Variants in MAGI2 observed in about 807,000 individuals in gnomAD.
The protein encoded by MAGI2 is membrane associated guanylate kinase, WW and PDZ domain containing 2, also known as membrane-associated guanylate kinase, WW and PDZ domain-containing protein 2.
In MAGI2, 35 loss-of-function variants were observed where a neutral mutation model predicts 133.3. That is an observed-to-expected ratio of 0.26 (90% CI 0.20 to 0.35). MAGI2 has a LOEUF of 0.35. Ranked by LOEUF, MAGI2 falls within the 10% of genes least tolerant of loss-of-function variation. The pLI, the probability that MAGI2 is intolerant of heterozygous loss-of-function variation, is 1.00. For missense variants in MAGI2, 1,636 were observed against 1,863.4 expected (o/e 0.88, Z 2.25); for synonymous variants, 729 against 710.6 (o/e 1.03, Z -0.41).
At chr7:78,890,445 C>T (rs1796646982) in intron 2 of MAGI2, among the ~76,000 whole-genome samples, 2 of 152,202 alleles carry the variant, frequency 1.3e-5, no homozygotes, top group Non-Finnish European at 2.9e-5. Flanking sequence ...AACCACACCA[C>T]ACCTATTCCA....
intron 1 of MAGI2, among the ~76,000 whole-genome samples, chr7:79,358,273 G>A (rs1411955460): frequency 2.0e-5 from 3 of 152,006 alleles, no homozygotes; most frequent in African/African-American, 4.8e-5. Flanking sequence ...ATATTTTAAT[G>A]TTGTGTAAAT....
At chr7:79,417,645 T>C (rs1846627215) in intron 1 of MAGI2, among the ~76,000 whole-genome samples, 1 of 152,124 alleles carries the variant, frequency 6.6e-6, no homozygotes, top group African/African-American at 2.4e-5. Context: ...AATTATAACA[T>C]GCAGAGATTT....
At chr7:78,809,306 G>A (rs138316303) in intron 2 of MAGI2, among the ~76,000 whole-genome samples, 4 of 152,340 alleles carry the variant, frequency 2.6e-5, no homozygotes, top group Non-Finnish European at 5.9e-5. Flanking sequence ...GATTAACACA[G>A]AGAATACAAT....
At chr7:79,125,734 G>C (rs578152220) in intron 1 of MAGI2, 1 of 521,910 alleles carries the variant, frequency 1.9e-6, no homozygotes, top group Admixed American at 2.0e-5. Context: ...GATGGCCAAG[G>C]CCAATACTTT....
chr7:79,231,730 C>T (rs373071286), intron 1 of MAGI2, among the ~76,000 whole-genome samples: 4 of 135,690 alleles, frequency 2.9e-5, no homozygotes, highest in East Asian at 2.1e-4. Flanking sequence ...ACAATCATGT[C>T]GTCGGCAAAC....
chr7:78,607,929 A>T (rs777524203), intron 3 of MAGI2, among the ~76,000 whole-genome samples: 7 of 152,232 alleles, frequency 4.6e-5, no homozygotes, highest in Middle Eastern at 3.4e-3. Flanking sequence ...AAGCTTTTAG[A>T]CAGGAACCTC....
At chr7:78,699,076 C>T (rs11770565) in intron 2 of MAGI2, among the ~76,000 whole-genome samples, 8,229 of 152,194 alleles carry the variant, frequency 0.054, 290 homozygotes, top group Non-Finnish European at 0.077. Flanking sequence ...AGAGTGACAC[C>T]TTTGCTTTCT....
At chr7:78,900,590 C>A (rs922139684) in intron 2 of MAGI2, among the ~76,000 whole-genome samples, 1 of 152,166 alleles carries the variant, frequency 6.6e-6, no homozygotes, top group Non-Finnish European at 1.5e-5. Context: ...CAGATATCAT[C>A]TCAGAGATGT....
At chr7:78,328,722 A>G (rs935667699) in intron 9 of MAGI2, among the ~76,000 whole-genome samples, 2 of 152,090 alleles carry the variant, frequency 1.3e-5, no homozygotes, top group African/African-American at 4.8e-5. Flanking sequence ...ACCTGTGGCA[A>G]TCTAAGTAAT....
chr7:79,433,512 C>T (rs1847928589), intron 1 of MAGI2, among the ~76,000 whole-genome samples: 1 of 150,918 alleles, frequency 6.6e-6, no homozygotes, highest in East Asian at 2.0e-4. Flanking sequence ...GAGATAGCGC[C>T]ACTGCACTCC....
At chr7:79,136,091 AAG>A (rs1821511879) in intron 1 of MAGI2, among the ~76,000 whole-genome samples, 1 of 150,188 alleles carries the variant, frequency 6.7e-6, no homozygotes, top group Non-Finnish European at 1.5e-5. Flanking sequence ...GAAAGAAAGA[AAG>A]AAAGAAAGAA....
At chr7:79,421,102 G>A (rs1000320869) in intron 1 of MAGI2, among the ~76,000 whole-genome samples, 1 of 151,926 alleles carries the variant, frequency 6.6e-6, no homozygotes, top group Non-Finnish European at 1.5e-5. Flanking sequence ...GGGTACCGTG[G>A]ACTGTGTTAG....
At chr7:79,407,964 A>G (rs1845920252) in intron 1 of MAGI2, among the ~76,000 whole-genome samples, 1 of 152,130 alleles carries the variant, frequency 6.6e-6, no homozygotes, top group African/African-American at 2.4e-5. Context: ...ACTAAAATGT[A>G]CTTTTGTAAC....
At chr7:78,458,297 A>AAAAAAAG (rs535473320) in intron 6 of MAGI2, among the ~76,000 whole-genome samples, 39,259 of 147,270 alleles carry the variant, frequency 0.27, 5,706 homozygotes, top group Middle Eastern at 0.34. Context: ...TCGGTCTCAA[A>AAAAAAAG]AAAAAAAAAA....
At chr7:78,459,988 C>T (rs1294998999) in intron 6 of MAGI2, among the ~76,000 whole-genome samples, 4 of 152,132 alleles carry the variant, frequency 2.6e-5, no homozygotes, top group Non-Finnish European at 5.9e-5. Context: ...TGGGCTGCAC[C>T]CCAGGGCATT....
intron 1 of MAGI2, among the ~76,000 whole-genome samples, chr7:79,391,052 A>G (rs1443743023): frequency 2.6e-5 from 4 of 152,122 alleles, no homozygotes; most frequent in Admixed American, 6.5e-5. Context: ...AGAAATTATG[A>G]TATATTAATA....
At chr7:78,727,002 C>A (rs1820884439) in intron 2 of MAGI2, among the ~76,000 whole-genome samples, 1 of 151,864 alleles carries the variant, frequency 6.6e-6, no homozygotes. Flanking sequence ...GTCCTTGAGA[C>A]ACCTGATCAG....
chr7:78,055,329 C>T (rs919976650), intron 21 of MAGI2, among the ~76,000 whole-genome samples: 4 of 152,190 alleles, frequency 2.6e-5, no homozygotes, highest in African/African-American at 9.7e-5. Flanking sequence ...CATTACCTAT[C>T]CCCATAGGGA....
chr7:78,457,159 C>T (rs1187184407), intron 6 of MAGI2, among the ~76,000 whole-genome samples: 1 of 152,178 alleles, frequency 6.6e-6, no homozygotes, highest in Non-Finnish European at 1.5e-5. Flanking sequence ...TAGCCCTGCC[C>T]CGCTTTAGGT....
Sources: gnomAD v4.1 joint callset for allele counts (sites outside exome capture counted in the v4.1 genomes callset) on GRCh38, gnomAD v4.1.1 for gene constraint, MANE v1.5 for transcripts, NCBI Gene and HGNC (gene_info 2026-07-23, HGNC 2026-07-21) for gene names.